The following ABLIM2 variants were observed in gnomAD, a reference collection of about 807,000 sequenced individuals.
ABLIM2 encodes actin binding LIM protein family member 2, also known as actin-binding LIM protein 2.
ABLIM2 carries 53 observed loss-of-function variants against 97.7 expected under a neutral mutation model. That is an observed-to-expected ratio of 0.54 (90% CI 0.44 to 0.68). The LOEUF is 0.68. Among genes scored for constraint, ABLIM2 ranks in the 30% least tolerant of loss-of-function variants. The pLI is 0.00. For missense variants in ABLIM2, 835 were observed against 867.2 expected (o/e 0.96, Z 0.47); for synonymous variants, 361 against 345.8 (o/e 1.04, Z -0.49).
chr4:8,071,489 C>A lies in ABLIM2; in HGVS notation c.675+6139G>T, dbSNP rs1211420677. 1.3e-5 allele frequency among the ~76,000 whole-genome samples: 2 copies of A among 152,206 alleles called. No homozygotes were observed. Among genetic ancestry groups the A allele is most frequent in the East Asian group, 3.9e-4 (2 of 5,186 alleles). ...TTCGCGGGCAGGCGGGCACTGCGGG[C>A]GCCAGCACTTAGGATGGCACCATGC... On this transcript the variant is annotated intron_variant, in intron 6 of 20. Coordinates refer to ENST00000447017, the MANE Select transcript of ABLIM2 (RefSeq NM_001130083.2). This position sits in a 1 kb window ranked among gnomAD's most constrained non-coding sequence, Gnocchi z 6.2.
At chr4:8,091,091 G>C (rs1386726157) in intron 3 of ABLIM2, among the ~76,000 whole-genome samples, 1 of 150,194 alleles carries the variant, frequency 6.7e-6, no homozygotes, top group Admixed American at 6.8e-5. Flanking sequence ...CATTCACAAC[G>C]GCACTGGAGG....
chr4:8,052,181 G>C lies in ABLIM2; in HGVS notation c.822+2007C>G, dbSNP rs113826777. On this transcript the variant is annotated intron_variant, in intron 8 of 20. Transcript: ENST00000447017. ...CGGAGCCACATCATCAGGAGACAGG[G>C]TGGTGTTCCCATGCACACATGCAAG... is the stretch of plus-strand genomic sequence containing the variant. Among the ~76,000 whole-genome samples, 968 of 152,340 alleles carry C rather than the reference G, an allele frequency of 6.4e-3. 12 individuals are homozygous for C. The highest frequency in any genetic ancestry group is 0.021 in the African/African-American group (853 of 41,582).
intron 1 of ABLIM2, among the ~76,000 whole-genome samples, chr4:8,154,429 C>A: frequency 6.6e-6 from 1 of 150,436 alleles, no homozygotes; most frequent in Non-Finnish European, 1.5e-5. Flanking sequence ...TTACAGGCAC[C>A]CACCACCACA....
intron 2 of ABLIM2, among the ~76,000 whole-genome samples, chr4:8,104,484 C>T (rs546636426): frequency 6.6e-6 from 1 of 152,140 alleles, no homozygotes; most frequent in South Asian, 2.1e-4. Context: ...ACAGGGAATC[C>T]CTGGATCCAG....
intron 16 of ABLIM2, 185 bp downstream of exon 16, chr4:8,007,874 G>C: frequency 7.1e-7 from 1 of 1,401,884 alleles, no homozygotes; most frequent in Non-Finnish European, 9.2e-7. Flanking sequence ...GACAGTTCTT[G>C]GGAAGCCGGC....
chr4:8,012,894 G>C (rs764068009), intron 14 of ABLIM2, among the ~76,000 whole-genome samples: 1 of 151,942 alleles, frequency 6.6e-6, no homozygotes, highest in Non-Finnish European at 1.5e-5. Context: ...TTAATCCATC[G>C]ATCAGTCCAT....
intron 20 of ABLIM2, 41 bp from the exon 21 acceptor site, chr4:7,967,144 C>T (rs766092887): frequency 3.9e-5 from 60 of 1,541,362 alleles, no homozygotes; most frequent in Non-Finnish European, 4.7e-5. Context: ...CAGTTAGCCA[C>T]GCAGCAAGGG....
Position 8,122,677 on chromosome 4 carries a change from T to C in ABLIM2, c.11-16040A>G, listed in dbSNP as rs778074223. Among the ~76,000 whole-genome samples the C allele has an allele frequency of 6.6e-6, 1 of 152,214 alleles. No individual in the cohort carries two copies. The highest frequency in any genetic ancestry group is 1.5e-5 in the Non-Finnish European group (1 of 68,040). ...TAGGGGAACATGAACATTCACTTCT[T>C]AACACCATCCACTGTCAGACCCTAC... is the stretch of plus-strand genomic sequence containing the variant. On this transcript the variant is annotated intron_variant, in intron 1 of 20. Coordinates refer to ENST00000447017, the MANE Select transcript of ABLIM2 (RefSeq NM_001130083.2). The surrounding 1 kb of genome is among the most constrained non-coding windows in gnomAD (Gnocchi z 4.1).
chr4:8,000,382 A>T (rs1756275260), intron 16 of ABLIM2, among the ~76,000 whole-genome samples: 1 of 152,066 alleles, frequency 6.6e-6, no homozygotes, highest in South Asian at 2.1e-4. Context: ...GCAGGACTGG[A>T]TCATCCCTGT....
intron 1 of ABLIM2, among the ~76,000 whole-genome samples, chr4:8,121,383 G>GT: frequency 6.6e-6 from 1 of 152,212 alleles, no homozygotes; most frequent in Non-Finnish European, 1.5e-5. Flanking sequence ...CCAGTCGCTG[G>GT]CCCAGGCGCC....
intron 4 of ABLIM2, among the ~76,000 whole-genome samples, chr4:8,086,585 T>C (rs1823834547): frequency 6.6e-6 from 1 of 152,036 alleles, no homozygotes; most frequent in South Asian, 2.1e-4. Flanking sequence ...CCTCAGGTGA[T>C]CCACCCGCCC....
chr4:7,973,075 CTG>C lies in ABLIM2; in HGVS notation c.1825-5974_1825-5973del, dbSNP rs71175444. Among the ~76,000 whole-genome samples the C allele has an allele frequency of 3.1e-3, 380 of 123,844 alleles. 6 individuals are homozygous for C. The highest frequency in any genetic ancestry group is 0.011 in the South Asian group (40 of 3,734). 81.2% of individuals were successfully genotyped at this position (123,844 alleles called of 152,430 possible). On this transcript the variant is annotated intron_variant, in intron 20 of 20. Coordinates refer to ENST00000447017, the MANE Select transcript of ABLIM2 (RefSeq NM_001130083.2). ...CTCCAGCAATGAGCTGCTCCCCTTGCTGTGTGTGTGTGTGTGTGTGTGTGTGT... is the reference window on the plus strand; with the variant it reads ...CTCCAGCAATGAGCTGCTCCCCTTGCTGTGTGTGTGTGTGTGTGTGTGTGT...
chr4:8,006,799 C>A (rs961733213), intron 16 of ABLIM2, among the ~76,000 whole-genome samples: 2 of 152,128 alleles, frequency 1.3e-5, no homozygotes, highest in African/African-American at 2.4e-5. Context: ...GCCCTGCCTG[C>A]AGATGAGGTG....
intron 20 of ABLIM2, among the ~76,000 whole-genome samples, chr4:7,969,116 A>C (rs1725452403): frequency 6.6e-6 from 1 of 151,944 alleles, no homozygotes; most frequent in Admixed American, 6.6e-5. Context: ...TGGGTGACAG[A>C]GTAAGACTCC....
In ABLIM2 at chr4:7,996,426, C is replaced by T. The variant is rs1327367435; in HGVS notation, c.1619-3499G>A. Among the ~76,000 whole-genome samples the T allele has an allele frequency of 6.6e-6, 1 of 152,212 alleles. No homozygotes were observed. The highest frequency in any genetic ancestry group is 1.9e-4 in the East Asian group (1 of 5,180). On this transcript the variant is annotated intron_variant, in intron 16 of 20. Coordinates refer to ENST00000447017, the MANE Select transcript of ABLIM2 (RefSeq NM_001130083.2). This position sits in a 1 kb window ranked among gnomAD's most constrained non-coding sequence, Gnocchi z 4.5. ...TTCCCAGTGCCCAGGCTGCCGCCGA[C>T]CGGTCTCAACTTTTAACCACTTCAC...
chr4:7,975,913 C>T (rs1226219562), intron 20 of ABLIM2, among the ~76,000 whole-genome samples: 4 of 152,144 alleles, frequency 2.6e-5, no homozygotes, highest in Non-Finnish European at 4.4e-5. Context: ...TCTCGGATCA[C>T]GCTAACAATG....
Position 7,979,802 on chromosome 4 carries a change from A to G in ABLIM2, c.1824+3462T>C, listed in dbSNP as rs975505651. On this transcript the variant is annotated intron_variant, in intron 20 of 20. Transcript: ENST00000447017. ...ACGGGCCTATGGCTGAGCCTGGCCA[A>G]TTAGGGCATTGCATTCCTTGGGTCA... Among the ~76,000 whole-genome samples, 7 of 152,322 alleles carry G rather than the reference A, an allele frequency of 4.6e-5. No individual in the cohort carries two copies. The East Asian group carries it at 1.2e-3, about 25-fold the overall frequency.
At chr4:8,024,513 G>T (rs1374113568) in intron 12 of ABLIM2, among the ~76,000 whole-genome samples, 1 of 152,174 alleles carries the variant, frequency 6.6e-6, no homozygotes, top group Admixed American at 6.5e-5. Flanking sequence ...GGAGCCCGGG[G>T]AGCAAACAGG....
chr4:8,009,265 G>A (rs554620570), intron 14 of ABLIM2, among the ~76,000 whole-genome samples, 163 bp from the exon 15 acceptor site: 3 of 152,226 alleles, frequency 2.0e-5, no homozygotes, highest in African/African-American at 4.8e-5. Context: ...GTAAGCTGGA[G>A]GAGGTCCCCA....
Sources: gnomAD v4.1 joint callset for allele counts (sites outside exome capture counted in the v4.1 genomes callset) on GRCh38, gnomAD v4.1.1 for gene constraint, Gnocchi (gnomAD v3.1) non-coding constraint, MANE v1.5 for transcripts, NCBI Gene and HGNC (gene_info 2026-07-23, HGNC 2026-07-21) for gene names.